Variants in UGT2B4 observed in about 807,000 individuals in gnomAD.
The protein encoded by UGT2B4 is UDP glucuronosyltransferase family 2 member B4, also known as UDP-glucuronosyltransferase 2B4.
A neutral mutation model predicts 49.8 loss-of-function variants in UGT2B4; 49 were observed. The observed-to-expected ratio is 0.98, with a 90% CI of 0.78 to 1.25. UGT2B4 has a LOEUF of 1.25. Among genes scored for constraint, UGT2B4 ranks in the 50% most tolerant of loss-of-function variants. The pLI, the probability that UGT2B4 is intolerant of heterozygous loss-of-function variation, is 0.00. For missense variants in UGT2B4, 729 were observed against 627.7 expected (o/e 1.16, Z -1.73); for synonymous variants, 246 against 217.7 (o/e 1.13, Z -1.14).
At chr4:69,500,682 A>T (rs1208557350), upstream of UGT2B4, among the ~76,000 whole-genome samples, 1 of 143,222 alleles carries the variant, frequency 7.0e-6, no homozygotes, top group Non-Finnish European at 1.5e-5. Flanking sequence ...AGGAAAGAAA[A>T]GAAAGCAAGC....
chr4:69,501,061 A>G (rs1728307012), intron 1 of UGT2B4, among the ~76,000 whole-genome samples: 1 of 152,066 alleles, frequency 6.6e-6, no homozygotes, highest in South Asian at 2.1e-4. Context: ...CCCTCACAAC[A>G]CCTCACAGGA....
At chr4:69,525,368 G>A (rs1728956734) in intron 1 of UGT2B4, among the ~76,000 whole-genome samples, 3 of 152,090 alleles carry the variant, frequency 2.0e-5, no homozygotes, top group African/African-American at 2.4e-5. Context: ...TAGAAGAAAT[G>A]CACAAAAGCA....
rs778664067 is a variant in UGT2B4 at position 69,495,626 on chromosome 4, AC to A, written c.235del (p.Val79TyrfsTer3). ...CTCAAACTCAGTTTTAGTTAAAGAT[AC>A]AGGATAAACTTCAAATTTAAGAGTA... ...PSTLKFEVYP[V>X]SLTKTEFEDI... On this transcript the variant is annotated frameshift_variant, in exon 1 of 6. Transcript: ENST00000305107. LOFTEE classifies it high-confidence loss of function. The A allele has an allele frequency of 6.2e-7, 1 of 1,614,020 alleles. No homozygotes were observed. The highest frequency in any genetic ancestry group is 8.5e-7 in the Non-Finnish European group (1 of 1,179,994).
chr4:69,498,257 T>C (rs2109817400), upstream of UGT2B4, among the ~76,000 whole-genome samples: 1 of 152,332 alleles, frequency 6.6e-6, no homozygotes, highest in East Asian at 1.9e-4. Context: ...GAAGTATTTC[T>C]TGTGTTAGCA....
At chr4:69,504,606 G>C (rs1229107487) in intron 1 of UGT2B4, among the ~76,000 whole-genome samples, 1 of 152,116 alleles carries the variant, frequency 6.6e-6, no homozygotes, top group Non-Finnish European at 1.5e-5. Context: ...ATTTTGTAAA[G>C]AGACTAAATC....
chr4:69,518,553 CAG>C (rs1275529141), intron 1 of UGT2B4, among the ~76,000 whole-genome samples: 1 of 152,018 alleles, frequency 6.6e-6, no homozygotes, highest in Non-Finnish European at 1.5e-5. Flanking sequence ...GGAAATCAAA[CAG>C]AAATACAATA....
intron 1 of UGT2B4, among the ~76,000 whole-genome samples, chr4:69,522,581 A>T (rs2109835407): frequency 6.6e-6 from 1 of 152,322 alleles, no homozygotes; most frequent in Non-Finnish European, 1.5e-5. Flanking sequence ...AAATGCTAAC[A>T]ATCATCTGAT....
At chr4:69,514,869 G>GA (rs771361608) in intron 1 of UGT2B4, among the ~76,000 whole-genome samples, 29 of 151,986 alleles carry the variant, frequency 1.9e-4, no homozygotes, top group Non-Finnish European at 4.1e-4. Context: ...ATGGAAAATA[G>GA]AAAAAAGCAA....
chr4:69,481,201 G>A (rs532449017), intron 5 of UGT2B4, among the ~76,000 whole-genome samples: 198 of 150,176 alleles, frequency 1.3e-3, no homozygotes, highest in African/African-American at 4.6e-3. Flanking sequence ...CCCAAGAGGC[G>A]GAAGTTGCAG....
At chr4:69,504,335 A>T (rs1728417820) in intron 1 of UGT2B4, among the ~76,000 whole-genome samples, 1 of 152,204 alleles carries the variant, frequency 6.6e-6, no homozygotes, top group African/African-American at 2.4e-5. Context: ...ATGATAATAA[A>T]TTATCATAGG....
At chr4:69,502,702 C>G (rs890798143) in intron 1 of UGT2B4, among the ~76,000 whole-genome samples, 2 of 152,156 alleles carry the variant, frequency 1.3e-5, no homozygotes, top group East Asian at 3.9e-4. Flanking sequence ...ACTCCCTGGA[C>G]AGAGCCTCCA....
In UGT2B4 at chr4:69,489,435, T is replaced by C. The variant is rs768502474; in HGVS notation, c.1002+4A>G. The C allele has an allele frequency of 7.5e-6, 12 of 1,609,814 alleles. No homozygotes were observed. Among genetic ancestry groups the C allele is most frequent in the Non-Finnish European group, 1.0e-5 (12 of 1,177,290 alleles). ...TTTTACACCATTAAAACATTTTATC[T>C]TACCTTTTGTGGGATCTTGGCAAGG... On this transcript the variant is annotated splice_donor_region_variant and intron_variant, in intron 3 of 5. Transcript: ENST00000305107.
At chr4:69,513,100 T>C (rs1483345263) in intron 1 of UGT2B4, among the ~76,000 whole-genome samples, 1 of 152,200 alleles carries the variant, frequency 6.6e-6, no homozygotes, top group African/African-American at 2.4e-5. Flanking sequence ...AGATTCCATT[T>C]GCCAATTTTT....
At chr4:69,522,488 A>G (rs1357808222) in intron 1 of UGT2B4, among the ~76,000 whole-genome samples, 1 of 152,242 alleles carries the variant, frequency 6.6e-6, no homozygotes, top group Non-Finnish European at 1.5e-5. Context: ...AGTTATGTTT[A>G]CAGTATTAGA....
At chr4:69,482,296 C>T (rs1727615810) in intron 5 of UGT2B4, among the ~76,000 whole-genome samples, 1 of 152,138 alleles carries the variant, frequency 6.6e-6, no homozygotes, top group African/African-American at 2.4e-5. Context: ...TATTTGATTC[C>T]TATAATCTTA....
chr4:69,519,799 T>C (rs1453118144), intron 1 of UGT2B4, among the ~76,000 whole-genome samples: 4 of 152,246 alleles, frequency 2.6e-5, no homozygotes, highest in Non-Finnish European at 5.9e-5. Context: ...TCTACTCACC[T>C]GAGACAAATG....
rs76224773 is a variant in UGT2B4 at position 69,520,695 on chromosome 4, A to G, written c.-106+4992T>C. Among the ~76,000 whole-genome samples, 239 of 128,864 alleles carry G rather than the reference A, an allele frequency of 1.9e-3. 5 individuals carry two copies. The East Asian group carries it at 0.027, about 15-fold the overall frequency. 84.5% of individuals were successfully genotyped at this position (128,864 alleles called of 152,430 possible). A position where few individuals can be genotyped will look rare whatever the true frequency, so the allele number is the denominator to read the frequency against. ...GCCCCATGACACCTCAGCCCCCTCC[A>G]GACTTTGAGCACAGACGAACACAGG... On this transcript the variant is annotated intron_variant, in intron 1 of 1. Transcript: ENST00000510114.
At chr4:69,517,696 A>T (rs1728764547) in intron 1 of UGT2B4, 1 of 156,782 alleles carries the variant, frequency 6.4e-6, no homozygotes, top group Non-Finnish European at 1.5e-5. Flanking sequence ...CTGTCCCAAA[A>T]ACTGTTCCAA....
At chr4:69,488,787 C>T (rs1727870291) in intron 3 of UGT2B4, among the ~76,000 whole-genome samples, 1 of 152,094 alleles carries the variant, frequency 6.6e-6, no homozygotes, top group South Asian at 2.1e-4. Context: ...CTGCCTACTT[C>T]AGACATTGGC....
Sources: allele counts gnomAD v4.1 joint callset (sites outside exome capture counted in the v4.1 genomes callset), GRCh38; gene constraint gnomAD v4.1.1; transcripts MANE v1.5; gene names NCBI Gene and HGNC (gene_info 2026-07-23, HGNC 2026-07-21).